The following SEC23A variants were observed in gnomAD, a reference collection of about 807,000 sequenced individuals.
SEC23A encodes the protein SEC23 homolog A, COPII component.
A neutral mutation model predicts 103.7 loss-of-function variants in SEC23A; 56 were observed. That is an observed-to-expected ratio of 0.54 (90% CI 0.44 to 0.67). SEC23A has a LOEUF of 0.67. Ranked by LOEUF, SEC23A falls within the 30% of genes least tolerant of loss-of-function variation. The pLI is 0.00. For missense variants in SEC23A, 784 were observed against 936.4 expected, an observed-to-expected ratio of 0.84 and a Z score of 2.12; for synonymous variants, 281 against 293.0, an observed-to-expected ratio of 0.96 and a Z score of 0.42.
At chr14:39,102,934 G>C (rs935898725) in intron 1 of SEC23A, 98 bp downstream of exon 1, 1 of 152,650 alleles carries the variant, frequency 6.6e-6, no homozygotes, top group Non-Finnish European at 1.5e-5. Context: ...AGCACACCTC[G>C]CTGGCCCCGG....
intron 9 of SEC23A, among the ~76,000 whole-genome samples, chr14:39,072,091 G>T (rs1300123517): frequency 6.6e-6 from 1 of 151,906 alleles, no homozygotes; most frequent in African/African-American, 2.4e-5. Flanking sequence ...AAATAGTCGG[G>T]TGTGGTGGTG....
At chr14:39,060,364 C>T (rs1471216575) in intron 13 of SEC23A, among the ~76,000 whole-genome samples, 1 of 152,148 alleles carries the variant, frequency 6.6e-6, no homozygotes, top group African/African-American at 2.4e-5. Context: ...ATACTCAGTT[C>T]AAATGTTGTG....
intron 2 of SEC23A, among the ~76,000 whole-genome samples, chr14:39,093,581 G>A (rs1033492413): frequency 1.3e-5 from 2 of 152,116 alleles, no homozygotes; most frequent in African/African-American, 2.4e-5. Context: ...GCAATATGGT[G>A]AAACCCAGTC....
intron 13 of SEC23A, among the ~76,000 whole-genome samples, chr14:39,057,297 C>T (rs1321279854): frequency 1.1e-5 from 1 of 93,258 alleles, no homozygotes; most frequent in African/African-American, 4.4e-5. Flanking sequence ...CAGAGCGAGA[C>T]TTTGTCTCAA....
intron 7 of SEC23A, among the ~76,000 whole-genome samples, chr14:39,078,527 T>C (rs1451684317): frequency 6.6e-6 from 1 of 152,168 alleles, no homozygotes; most frequent in African/African-American, 2.4e-5. Context: ...GATGACAGAT[T>C]CTGCCATCAG....
chr14:39,094,297 T>C (rs1887771175), intron 2 of SEC23A, among the ~76,000 whole-genome samples: 1 of 114,232 alleles, frequency 8.8e-6, no homozygotes, highest in Admixed American at 1.0e-4. Context: ...TATATGCATA[T>C]ATACACATAT....
intron 9 of SEC23A, among the ~76,000 whole-genome samples, chr14:39,072,933 C>T (rs1462953995): frequency 6.6e-6 from 1 of 152,024 alleles, no homozygotes; most frequent in Non-Finnish European, 1.5e-5. Context: ...AATCGTTAGA[C>T]AGTTCCTCAA....
chr14:39,050,164 C>G (rs1353929947), intron 14 of SEC23A, among the ~76,000 whole-genome samples: 1 of 152,068 alleles, frequency 6.6e-6, no homozygotes, highest in Non-Finnish European at 1.5e-5. Flanking sequence ...AACACTAATA[C>G]CGGTGGAAAA....
intron 14 of SEC23A, among the ~76,000 whole-genome samples, chr14:39,054,142 G>A (rs548770253): frequency 6.6e-6 from 1 of 152,184 alleles, no homozygotes; most frequent in African/African-American, 2.4e-5. Context: ...AGGTGTGGTG[G>A]TGTGTGCCTG....
intron 2 of SEC23A, among the ~76,000 whole-genome samples, chr14:39,093,899 T>C (rs1594485317): frequency 6.6e-6 from 1 of 152,272 alleles, no homozygotes; most frequent in Non-Finnish European, 1.5e-5. Flanking sequence ...ATTTACTGAA[T>C]GCCTAATAAG....
chr14:39,051,211 ACAT>A (rs1208991347), intron 14 of SEC23A, among the ~76,000 whole-genome samples: 1 of 152,216 alleles, frequency 6.6e-6, no homozygotes, highest in Non-Finnish European at 1.5e-5. Context: ...TTAAAAAGAA[ACAT>A]CATTTTTTGT....
At position 39,091,476 on chromosome 14, in the gene SEC23A, C is replaced by T. The variant is rs1392063259; in HGVS notation, c.603+1G>A. ...TAAAAACTACCATTCTTGTTGTTTA[C>T]CTGCAGTTGTTTGGCAGACAAATCT... On this transcript the variant is annotated splice_donor_variant, in intron 5 of 19. Transcript: ENST00000307712. LOFTEE classifies it high-confidence loss of function. 6.2e-7 allele frequency: 1 copy of T among 1,606,910 alleles called. No homozygotes were observed. The highest frequency in any genetic ancestry group is 2.2e-5 in the East Asian group (1 of 44,784).
chr14:39,085,749 C>T lies in SEC23A; in HGVS notation c.828+13G>A. 1 of 1,578,624 alleles carries T rather than the reference C, an allele frequency of 6.3e-7. No individual in the cohort carries two copies. The highest frequency in any genetic ancestry group is 8.6e-7 in the Non-Finnish European group (1 of 1,160,340). On this transcript the variant is annotated intron_variant, in intron 7 of 19. Transcript: ENST00000307712. ...ACACACTTTACATTCCAAAACAAAA[C>T]CATCTTCCCTACCTCCAGCAGTCCT...
intron 18 of SEC23A, chr14:39,039,793 G>A (rs1322410506): frequency 1.3e-5 from 2 of 152,152 alleles, no homozygotes; most frequent in Non-Finnish European, 2.9e-5. Flanking sequence ...TCCCACTCCT[G>A]TATTTACTGT....
chr14:39,091,242 G>A, intron 5 of SEC23A: 7 of 536,762 alleles, frequency 1.3e-5, no homozygotes, highest in South Asian at 4.5e-5. Context: ...AAATACTGTT[G>A]GTTTGACTTT....
At chr14:39,036,504 A>C (rs1296043361) in intron 19 of SEC23A, among the ~76,000 whole-genome samples, 2 of 151,498 alleles carry the variant, frequency 1.3e-5, no homozygotes, top group Non-Finnish European at 2.9e-5. Context: ...AGCCTTTTTC[A>C]CTCCTAAATA....
At chr14:39,070,870 T>TA (rs1288378707) in intron 9 of SEC23A, among the ~76,000 whole-genome samples, 1 of 151,954 alleles carries the variant, frequency 6.6e-6, no homozygotes, top group Non-Finnish European at 1.5e-5. Flanking sequence ...CTACTAAAAA[T>TA]ACAAAAATTA....
intron 10 of SEC23A, among the ~76,000 whole-genome samples, chr14:39,065,971 C>T (rs192938210): frequency 1.4e-3 from 150 of 110,440 alleles, no homozygotes; most frequent in Non-Finnish European, 2.1e-3. Flanking sequence ...GCACTCCAGC[C>T]GGGCAATAAG....
chr14:39,048,355 G>C (rs1885919648), intron 15 of SEC23A, among the ~76,000 whole-genome samples: 1 of 152,050 alleles, frequency 6.6e-6, no homozygotes, highest in African/African-American at 2.4e-5. Context: ...GTCTGGATGT[G>C]GCAATCTTAG....
Sources: allele counts gnomAD v4.1 joint callset (sites outside exome capture counted in the v4.1 genomes callset), GRCh38; gene constraint gnomAD v4.1.1; transcripts MANE v1.5; gene names NCBI Gene and HGNC (gene_info 2026-07-23, HGNC 2026-07-21).